The following ALDH8A1 variants were observed in gnomAD, a reference collection of about 807,000 sequenced individuals.
The protein encoded by ALDH8A1 is 2-aminomuconic semialdehyde dehydrogenase.
A neutral mutation model predicts 43.3 loss-of-function variants in ALDH8A1; 39 were observed. The observed-to-expected ratio is 0.90, with a 90% confidence interval of 0.70 to 1.18. ALDH8A1 has a LOEUF of 1.18. ALDH8A1 is among the 50% of genes most tolerant of loss of function. The pLI is 0.00. For missense variants in ALDH8A1, 605 were observed against 622.6 expected, an observed-to-expected ratio of 0.97 and a Z score of 0.30; for synonymous variants, 233 against 243.5, an observed-to-expected ratio of 0.96 and a Z score of 0.40.
chr6:134,918,966 T>C lies in ALDH8A1; in HGVS notation c.1012-99A>G. ...TTTCTAATCATCTCGGAAGGAGGGA[T>C]AAGGTCATTCCTAAGAAATCTATGG... On this transcript the variant is annotated intron_variant, in intron 6 of 6. Coordinates refer to ENST00000265605, the MANE Select transcript of ALDH8A1 (RefSeq NM_022568.4). The C allele has an allele frequency of 3.0e-6, 4 of 1,328,370 alleles. No homozygotes were observed. In the South Asian group the frequency reaches 5.5e-5, roughly 18 times the overall value. 82.3% of individuals were successfully genotyped at this position (1,328,370 alleles called of 1,614,324 possible). A position where few individuals can be genotyped will look rare whatever the true frequency, so the allele number is the denominator to read the frequency against.
At position 134,932,996 on chromosome 6, in the gene ALDH8A1, G is replaced by C; in HGVS notation, c.629C>G (p.Thr210Ser). 6.2e-7 allele frequency: 1 copy of C among 1,604,632 alleles called. No individual in the cohort carries two copies. ...PPGVVNIVFG[T>S]GPRVGEALVS... The stretch of plus-strand genomic sequence containing the variant: ...CAGGGCCTCACCCACCCTGGGCCCG[G>C]TTCCAAACACAATATTGACCACACC... Residue 210 changes from threonine to serine, a missense_variant, in exon 5 of 7, where the codon ACC becomes AGC. Coordinates refer to ENST00000265605, the MANE Select transcript of ALDH8A1 (RefSeq NM_022568.4).
At chr6:134,943,726 G>A (rs1203423272) in intron 2 of ALDH8A1, 93 bp downstream of exon 2, 1 of 1,514,370 alleles carries the variant, frequency 6.6e-7, no homozygotes, top group Admixed American at 2.0e-5. Flanking sequence ...CAGAGGAGCA[G>A]GCACATGGGC....
intron 6 of ALDH8A1, among the ~76,000 whole-genome samples, chr6:134,919,595 A>C (rs1776762998): frequency 6.6e-6 from 1 of 152,232 alleles, no homozygotes; most frequent in African/African-American, 2.4e-5. Context: ...ATATATATAT[A>C]AACATTGTTG....
At chr6:134,934,585 T>C (rs1484515993) in intron 4 of ALDH8A1, among the ~76,000 whole-genome samples, 1 of 152,134 alleles carries the variant, frequency 6.6e-6, no homozygotes, top group Non-Finnish European at 1.5e-5. Flanking sequence ...CCTCGGAACA[T>C]GCTAAGGCTG....
At chr6:134,940,762 C>T (rs954507890) in intron 3 of ALDH8A1, among the ~76,000 whole-genome samples, 2 of 152,184 alleles carry the variant, frequency 1.3e-5, no homozygotes, top group African/African-American at 4.8e-5. Flanking sequence ...TTCCCTCAAG[C>T]CTGTGCTATG....
At chr6:134,934,328 C>T (rs761508341) in intron 4 of ALDH8A1, among the ~76,000 whole-genome samples, 6 of 152,152 alleles carry the variant, frequency 3.9e-5, no homozygotes, top group Non-Finnish European at 8.8e-5. Context: ...TAAGCAGAAA[C>T]CAGCTCTAAA....
chr6:134,944,074 T>TGTTTC, intron 1 of ALDH8A1, 108 bp from the exon 2 acceptor site: 1 of 1,396,822 alleles, frequency 7.2e-7, no homozygotes, highest in Non-Finnish European at 9.5e-7. Flanking sequence ...TGTTTTGTTT[T>TGTTTC]GTTTTGTTTT....
intron 4 of ALDH8A1, among the ~76,000 whole-genome samples, chr6:134,938,451 T>C (rs528934304): frequency 6.6e-6 from 1 of 152,228 alleles, no homozygotes; most frequent in East Asian, 1.9e-4. Flanking sequence ...AGAGGCCATA[T>C]TGTATTAGCT....
rs1202163342 is a variant in ALDH8A1 at position 134,932,306 on chromosome 6, C to T, written c.849+470G>A. 3.9e-5 allele frequency among the ~76,000 whole-genome samples: 6 copies of T among 152,146 alleles called. No individual in the cohort carries two copies. The East Asian group carries it at 7.7e-4, about 20-fold the overall frequency. On this transcript the variant is annotated intron_variant, in intron 5 of 6. Coordinates refer to ENST00000265605, the MANE Select transcript of ALDH8A1 (RefSeq NM_022568.4). ...GATGCCCTGAAGCTGATCCATGAAT[C>T]CACGCCAAGAAATCTTCTCTAGTCA... is the stretch of plus-strand genomic sequence containing the variant.
intron 4 of ALDH8A1, 76 bp downstream of exon 4, chr6:134,939,190 G>A: frequency 1.9e-6 from 3 of 1,567,974 alleles, no homozygotes; most frequent in African/African-American, 1.3e-5. Context: ...CGATTGTGCT[G>A]CTGAGTGGAA....
intron 1 of ALDH8A1, among the ~76,000 whole-genome samples, chr6:134,946,527 C>A (rs928335956): frequency 6.6e-5 from 10 of 152,218 alleles, no homozygotes; most frequent in Non-Finnish European, 1.3e-4. Flanking sequence ...AAAGCATTTA[C>A]TATATGCCAA....
Position 134,943,857 on chromosome 6 carries a change from G to A in ALDH8A1, c.248C>T (p.Ser83Phe). The change falls in exon 2 of 7, where the codon TCC becomes TTC. Residue 83 changes from serine (S) to phenylalanine (F), a missense_variant. Coordinates refer to ENST00000265605, the MANE Select transcript of ALDH8A1 (RefSeq NM_022568.4). ...CTCGGCCTGGGCAAACTCCTCCAGG[G>A]ACTGCTCCAGCAAATCCGCCACCTG... is the stretch of plus-strand genomic sequence containing the variant. ...LNQVADLLEQ[S>F]LEEFAQAESK... 1.9e-6 allele frequency: 3 copies of A among 1,614,208 alleles called. No homozygotes were observed. Among genetic ancestry groups the A allele is most frequent in the Non-Finnish European group, 2.5e-6 (3 of 1,180,040 alleles).
At chr6:134,934,900 G>A (rs949844741) in intron 4 of ALDH8A1, among the ~76,000 whole-genome samples, 3 of 152,214 alleles carry the variant, frequency 2.0e-5, no homozygotes, top group Non-Finnish European at 4.4e-5. Flanking sequence ...TTGGTTGTTT[G>A]TGTTACTTGT....
chr6:134,918,477 C>G lies in ALDH8A1; in HGVS notation c.1402G>C (p.Glu468Gln). 1 of 1,614,212 alleles carries G rather than the reference C, an allele frequency of 6.2e-7. No individual in the cohort carries two copies. The highest frequency in any genetic ancestry group is 8.5e-7 in the Non-Finnish European group (1 of 1,180,038). Residue 468 changes from glutamate to glutamine, a missense_variant, in exon 7 of 7, where the codon GAG becomes CAG. Physicochemically the swap from Glu to Gln is conservative, Grantham distance 29 (BLOSUM62 2). Coordinates refer to ENST00000265605, the MANE Select transcript of ALDH8A1 (RefSeq NM_022568.4). ...GGMKSSGIGR[E>Q]GAKDSYDFFT... ...AAGTCGTAAGAGTCCTTGGCTCCCTCTCTACCTATTCCAGAACTCTTCATC... is the reference window on the plus strand; with the variant it reads ...AAGTCGTAAGAGTCCTTGGCTCCCTGTCTACCTATTCCAGAACTCTTCATC...
chr6:134,920,050 A>G (rs1483316664), intron 6 of ALDH8A1, among the ~76,000 whole-genome samples: 2 of 152,114 alleles, frequency 1.3e-5, no homozygotes, highest in African/African-American at 2.4e-5. Context: ...AGCTGAGCCT[A>G]TAAACACAAG....
intron 4 of ALDH8A1, among the ~76,000 whole-genome samples, chr6:134,934,118 G>A (rs2114694431): frequency 6.6e-6 from 1 of 152,288 alleles, no homozygotes; most frequent in East Asian, 1.9e-4. Flanking sequence ...TGTTTACTCT[G>A]TGCCACAGCC....
rs573389352 is a variant in ALDH8A1 at position 134,925,360 on chromosome 6, T to A, written c.1011+3694A>T. Among the ~76,000 whole-genome samples, 30 of 152,216 alleles carry A rather than the reference T, an allele frequency of 2.0e-4. 1 individual carries two copies. Among genetic ancestry groups the A allele is most frequent in the Admixed American group, 1.9e-3 (29 of 15,282 alleles). ...TGATACTAGAGGCTCCAGGCTCGGA[T>A]GGTTTCAAGCGTTTTCTTGGAGAAA... On this transcript the variant is annotated intron_variant, in intron 6 of 6. Transcript: ENST00000265605.
chr6:134,935,816 C>A (rs1300319526), intron 4 of ALDH8A1, among the ~76,000 whole-genome samples: 1 of 152,160 alleles, frequency 6.6e-6, no homozygotes, highest in Non-Finnish European at 1.5e-5. Flanking sequence ...CCATTATCAT[C>A]CAGAACATTC....
chr6:134,949,368 C>A (rs1159754445), intron 1 of ALDH8A1, among the ~76,000 whole-genome samples: 1 of 152,140 alleles, frequency 6.6e-6, no homozygotes, highest in Non-Finnish European at 1.5e-5. Context: ...GCTGTTAAAT[C>A]TAACTCCAAA....
Sources: gnomAD v4.1 joint callset for allele counts (sites outside exome capture counted in the v4.1 genomes callset) on GRCh38, gnomAD v4.1.1 for gene constraint, MANE v1.5 for transcripts, NCBI Gene and HGNC (gene_info 2026-07-23, HGNC 2026-07-21) for gene names.